XIRP2: variants seen among roughly 807,000 people sequenced by gnomAD.
XIRP2 encodes xin actin binding repeat containing 2, also known as xin actin-binding repeat-containing protein 2.
XIRP2 carries 236 observed loss-of-function variants against 277.0 expected under a neutral mutation model. That is an observed-to-expected ratio of 0.85 (90% CI 0.77 to 0.95). XIRP2 has a LOEUF of 0.95. Among genes scored for constraint, XIRP2 ranks in the 40% least tolerant of loss-of-function variants. The pLI is 0.00. For synonymous variants in XIRP2, 1,490 were observed against 1,416.5 expected (o/e 1.05, Z -1.17); for missense variants, 4,640 against 4,157.5 (o/e 1.12, Z -3.19).
intron 2 of XIRP2, among the ~76,000 whole-genome samples, chr2:166,911,480 C>T (rs1384480559): frequency 3.9e-5 from 6 of 152,208 alleles, no homozygotes; most frequent in Non-Finnish European, 5.9e-5. Context: ...TCCTTCATCC[C>T]TTTATTTTGA....
At chr2:167,255,383 G>A (rs993099453) in intron 10 of XIRP2, among the ~76,000 whole-genome samples, 6 of 151,640 alleles carry the variant, frequency 4.0e-5, no homozygotes, top group African/African-American at 1.5e-4. Context: ...TTATGCTACT[G>A]TATCAGTAAA....
chr2:166,960,422 C>T (rs754372657), intron 2 of XIRP2, among the ~76,000 whole-genome samples: 49 of 151,762 alleles, frequency 3.2e-4, no homozygotes, highest in South Asian at 1.2e-3. Flanking sequence ...AAATGAGTCT[C>T]CCACCAGGAT....
intron 2 of XIRP2, among the ~76,000 whole-genome samples, chr2:167,135,243 G>A (rs924256438): frequency 1.3e-5 from 2 of 151,750 alleles, no homozygotes; most frequent in Non-Finnish European, 2.9e-5. Flanking sequence ...ACATTACTTG[G>A]CCTATACAAT....
chr2:166,953,153 A>C (rs1240574888), intron 2 of XIRP2, among the ~76,000 whole-genome samples: 1 of 151,938 alleles, frequency 6.6e-6, no homozygotes, highest in East Asian at 1.9e-4. Flanking sequence ...CATGCTCTCC[A>C]AAGTGCAAAT....
At chr2:167,124,244 C>A (rs369582176) in intron 2 of XIRP2, 2 of 152,098 alleles carry the variant, frequency 1.3e-5, no homozygotes, top group East Asian at 1.9e-4. Context: ...GTTTCTCTCA[C>A]GTATCATGGG....
chr2:167,009,940 A>T (rs546734616), intron 2 of XIRP2, among the ~76,000 whole-genome samples: 2 of 151,938 alleles, frequency 1.3e-5, no homozygotes, highest in South Asian at 4.1e-4. Context: ...AATTTGTTTG[A>T]GTTCATTATA....
intron 3 of XIRP2, among the ~76,000 whole-genome samples, chr2:167,172,774 A>G (rs1291854319): frequency 6.6e-6 from 1 of 152,150 alleles, no homozygotes; most frequent in Non-Finnish European, 1.5e-5. Flanking sequence ...ATATTGTTTA[A>G]ACAATTTGTG....
Position 167,241,851 on chromosome 2 carries a change from G to C in XIRP2, c.1117G>C (p.Ala373Pro), listed in dbSNP as rs1243503677. ...KLLKEQFEKSAQEKILYSDKE... is the reference protein window; with the variant it reads ...KLLKEQFEKSPQEKILYSDKE... ...GTTAAAAGAGCAGTTTGAAAAGTCT[G>C]CCCAGGAAAAGATCCTTTATTCTGA... The change falls in exon 8 of 11, where the codon GCC becomes CCC. Residue 373 changes from alanine (A) to proline (P), a missense_variant. Physicochemically the swap from Ala to Pro is conservative, Grantham distance 27 (BLOSUM62 -1). Coordinates refer to ENST00000409195, the MANE Select transcript of XIRP2 (RefSeq NM_152381.6). 4 of 1,613,550 alleles carry C rather than the reference G, an allele frequency of 2.5e-6. No homozygotes were observed. The highest frequency in any genetic ancestry group is 2.2e-5 in the East Asian group (1 of 44,810).
chr2:167,163,011 TC>T (rs1401959485), intron 3 of XIRP2, among the ~76,000 whole-genome samples: 1 of 152,186 alleles, frequency 6.6e-6, no homozygotes, highest in Admixed American at 6.5e-5. Context: ...AAGGTTTTTC[TC>T]CCCTTTCTTA....
chr2:167,214,099 AAG>A (rs1491473780), intron 4 of XIRP2, among the ~76,000 whole-genome samples: 68 of 107,920 alleles, frequency 6.3e-4, no homozygotes, highest in African/African-American at 3.0e-3. Flanking sequence ...AGAAAGAAGG[AAG>A]GAAGGAAGGA....
intron 3 of XIRP2, chr2:167,184,719 A>G (rs1238478468): frequency 1.5e-6 from 1 of 674,052 alleles, no homozygotes; most frequent in Non-Finnish European, 2.7e-6. Flanking sequence ...TACATATATT[A>G]TCTCTGCAAT....
Position 167,021,684 on chromosome 2 carries a change from G to C in XIRP2, c.409-114225G>C, listed in dbSNP as rs535794982. On this transcript the variant is annotated intron_variant, in intron 2 of 10. Transcript: ENST00000409195. ...CTACAAAAAATAAAAAATTAGGCCA[G>C]TGTGACGGGGCACACCTGTAGTCCC... is the stretch of plus-strand genomic sequence containing the variant. Among the ~76,000 whole-genome samples, 8 of 152,102 alleles carry C rather than the reference G, an allele frequency of 5.3e-5. 1 individual carries two copies. In the East Asian group the frequency reaches 1.4e-3, roughly 26 times the overall value.
chr2:167,074,612 GTGTGTGTGTGCA>G (rs1689513268), intron 2 of XIRP2, among the ~76,000 whole-genome samples: 1 of 147,716 alleles, frequency 6.8e-6, no homozygotes. Flanking sequence ...TTCTGTGTGT[GTGTGTGTGTGCA>G]TGTGTGTGTG....
intron 2 of XIRP2, among the ~76,000 whole-genome samples, chr2:167,077,392 A>G (rs549980559): frequency 8.1e-4 from 124 of 152,174 alleles, no homozygotes; most frequent in Middle Eastern, 3.4e-3. Flanking sequence ...TTAAGAACCT[A>G]TTATGTGGCA....
At chr2:167,147,841 C>T (rs1289749976) in intron 3 of XIRP2, among the ~76,000 whole-genome samples, 1 of 152,094 alleles carries the variant, frequency 6.6e-6, no homozygotes, top group Non-Finnish European at 1.5e-5. Context: ...TAAGGCTGGA[C>T]ACGGGGATTT....
intron 3 of XIRP2, among the ~76,000 whole-genome samples, chr2:167,156,521 TTCTC>T: frequency 6.6e-6 from 1 of 152,260 alleles, no homozygotes; most frequent in South Asian, 2.1e-4. Context: ...TTTAAAGTAT[TTCTC>T]TATGATGTTT....
chr2:167,247,380 T>C lies in XIRP2; in HGVS notation c.5988T>C (p.Thr1996=). 1 of 1,613,762 alleles carries C rather than the reference T, an allele frequency of 6.2e-7. No individual in the cohort carries two copies. Reference sequence around the variant, plus strand: ...CCAAGTGGCAAGGGGGAGCAGATACTCTCAGTCAAACTATGGGGAAATCTT... The same window carrying C: ...CCAAGTGGCAAGGGGGAGCAGATACCCTCAGTCAAACTATGGGGAAATCTT... ...PAAKWQGGAD[T]LSQTMGKSCH... Residue 1996 remains threonine (T), a synonymous_variant, in exon 9 of 11, where the codon ACT becomes ACC. Transcript: ENST00000409195.
intron 2 of XIRP2, among the ~76,000 whole-genome samples, chr2:166,928,615 A>C (rs540316130): frequency 2.0e-5 from 3 of 152,242 alleles, no homozygotes; most frequent in African/African-American, 4.8e-5. Flanking sequence ...TTTTTAGTTT[A>C]TAGCATAGTT....
intron 2 of XIRP2, among the ~76,000 whole-genome samples, chr2:167,021,144 G>A (rs1314644816): frequency 1.3e-5 from 2 of 152,030 alleles, no homozygotes; most frequent in Non-Finnish European, 2.9e-5. Flanking sequence ...AGTTGATTCT[G>A]ATATATAATC....
Sources: gnomAD v4.1 joint callset for allele counts (sites outside exome capture counted in the v4.1 genomes callset) on GRCh38, gnomAD v4.1.1 for gene constraint, MANE v1.5 for transcripts, NCBI Gene and HGNC (gene_info 2026-07-23, HGNC 2026-07-21) for gene names.